Variants in ZNF141 observed in about 807,000 individuals in gnomAD.
The protein encoded by ZNF141 is zinc finger protein 141 (clone pHZ-44).
ZNF141 carries 7 observed loss-of-function variants against 11.3 expected under a neutral mutation model. That is an observed-to-expected ratio of 0.62 (90% CI 0.35 to 1.16). ZNF141 has a LOEUF of 1.16. Ranked by LOEUF, ZNF141 falls within the 50% of genes most tolerant of loss-of-function variation. The pLI, the probability that ZNF141 is intolerant of heterozygous loss-of-function variation, is 0.02. For synonymous variants in ZNF141, 183 were observed against 190.7 expected, an observed-to-expected ratio of 0.96 and a Z score of 0.33; for missense variants, 535 against 554.0, an observed-to-expected ratio of 0.97 and a Z score of 0.34.
chr4:369,764 A>ATGTTTTTTTTTTTTTTTTTTTTTT, intron 3 of ZNF141, among the ~76,000 whole-genome samples: 18 of 48,720 alleles, frequency 3.7e-4, no homozygotes, highest in Admixed American at 8.7e-4. Flanking sequence ...ATATATATAT[A>ATGTTTTTTTTTTTTTTTTTTTTTT]TTTTTTTTTT....
At chr4:351,080 C>A (rs1721575440) in intron 3 of ZNF141, among the ~76,000 whole-genome samples, 1 of 151,580 alleles carries the variant, frequency 6.6e-6, no homozygotes, top group Non-Finnish European at 1.5e-5. Flanking sequence ...CATGTGGCAC[C>A]TCCCCTCTCA....
At chr4:358,180 GT>G (rs1644037244) in intron 3 of ZNF141, 1 of 360,366 alleles carries the variant, frequency 2.8e-6, no homozygotes, top group Admixed American at 3.6e-5. Flanking sequence ...TAAGTTTCTC[GT>G]TCTTTTTTTT....
intron 3 of ZNF141, among the ~76,000 whole-genome samples, chr4:360,843 A>G (rs1245622410): frequency 3.9e-5 from 6 of 152,166 alleles, no homozygotes; most frequent in Admixed American, 3.3e-4. Context: ...TATTGCCTAT[A>G]AAAGTTTTCT....
Position 379,064 on chromosome 4 carries a change from C to T in ZNF141, c.*5202C>T, listed in dbSNP as rs190149709. Reference sequence around the variant, plus strand: ...TTCACTCTGTTGGCCAGGCTGGTCTCGAGCTCCTGTCCTCGTGATCCACGC... The same window carrying T: ...TTCACTCTGTTGGCCAGGCTGGTCTTGAGCTCCTGTCCTCGTGATCCACGC... On this transcript the variant is annotated 3_prime_UTR_variant, in exon 4 of 4. Transcript: ENST00000240499. Among the ~76,000 whole-genome samples, 7 of 151,968 alleles carry T rather than the reference C, an allele frequency of 4.6e-5. No individual in the cohort carries two copies. Among genetic ancestry groups the T allele is most frequent in the Middle Eastern group, 3.4e-3 (1 of 294 alleles).
chr4:363,187 G>T (rs1711570562), intron 3 of ZNF141, among the ~76,000 whole-genome samples: 1 of 152,118 alleles, frequency 6.6e-6, no homozygotes, highest in African/African-American at 2.4e-5. Flanking sequence ...TCTGTTACTG[G>T]TGTTATAGGA....
chr4:364,349 A>C (rs1711624856), intron 3 of ZNF141, among the ~76,000 whole-genome samples: 1 of 152,144 alleles, frequency 6.6e-6, no homozygotes, highest in South Asian at 2.1e-4. Context: ...TAGGCTATTA[A>C]TTATTGCCTC....
chr4:361,001 T>G (rs920338357), intron 3 of ZNF141, among the ~76,000 whole-genome samples: 6 of 152,202 alleles, frequency 3.9e-5, no homozygotes, highest in African/African-American at 1.4e-4. Flanking sequence ...TATATTATTC[T>G]GTGAGAGAAG....
intron 3 of ZNF141, among the ~76,000 whole-genome samples, chr4:369,764 A>ATATGTTTTTTTTTTTTTTTTTTTTTTT: frequency 2.1e-5 from 1 of 48,744 alleles, no homozygotes; most frequent in Non-Finnish European, 3.1e-5. Flanking sequence ...ATATATATAT[A>ATATGTTTTTTTTTTTTTTTTTTTTTTT]TTTTTTTTTT....
Position 373,878 on chromosome 4 carries a change from TGTAAA to T in ZNF141, c.*18_*22del. On this transcript the variant is annotated 3_prime_UTR_variant, in exon 4 of 4. Transcript: ENST00000240499. ...TCATACTTGAGAGAAATCCTACAAA[TGTAAA>T]GAATGTGGCAAACCTTTGGATGATC... The T allele has an allele frequency of 6.3e-7, 1 of 1,583,568 alleles. No homozygotes were observed. Among genetic ancestry groups the T allele is most frequent in the Non-Finnish European group, 8.6e-7 (1 of 1,162,278 alleles).
At position 383,147 on chromosome 4, in the gene ZNF141, A is replaced by G; in HGVS notation, c.*9285A>G. 1.4e-6 allele frequency: 1 copy of G among 701,796 alleles called. No homozygotes were observed. The highest frequency in any genetic ancestry group is 2.6e-6 in the Non-Finnish European group (1 of 384,618). The allele number at this position is 701,796 out of a possible 1,614,324, so 43.5% of individuals were successfully genotyped here. A position where few individuals can be genotyped will look rare whatever the true frequency, so the allele number is the denominator to read the frequency against. Reference sequence around the variant, plus strand: ...CCATTTTAGCTTTCTGGAGAATAGCATCTGAGAAAAGCCAAAGTGCCTCAG... The same window carrying G: ...CCATTTTAGCTTTCTGGAGAATAGCGTCTGAGAAAAGCCAAAGTGCCTCAG... On this transcript the variant is annotated 3_prime_UTR_variant, in exon 4 of 4. Coordinates refer to ENST00000240499, the MANE Select transcript of ZNF141 (RefSeq NM_003441.4).
At chr4:353,850 G>T (rs906110611) in intron 3 of ZNF141, among the ~76,000 whole-genome samples, 1 of 152,180 alleles carries the variant, frequency 6.6e-6, no homozygotes, top group Middle Eastern at 3.4e-3. Context: ...GGACTTAAAG[G>T]GAAGGACTTC....
intron 3 of ZNF141, among the ~76,000 whole-genome samples, chr4:369,000 T>C (rs1711889366): frequency 6.6e-6 from 1 of 152,238 alleles, no homozygotes; most frequent in Non-Finnish European, 1.5e-5. Flanking sequence ...TTTATACTGC[T>C]TTCAAGTCTT....
At chr4:341,647 G>T (rs1721056214) in intron 1 of ZNF141, among the ~76,000 whole-genome samples, 1 of 152,164 alleles carries the variant, frequency 6.6e-6, no homozygotes, top group Non-Finnish European at 1.5e-5. Context: ...ATAGAGAGCA[G>T]AAGCCTAGGG....
intron 3 of ZNF141, among the ~76,000 whole-genome samples, chr4:362,149 T>G (rs1343952211): frequency 6.6e-6 from 1 of 152,258 alleles, no homozygotes; most frequent in Non-Finnish European, 1.5e-5. Flanking sequence ...CATTTTTTCA[T>G]GTGTCTTTTG....
At position 371,822 on chromosome 4, in the gene ZNF141, G is replaced by A. The variant is rs1220286949; in HGVS notation, c.227-842G>A. On this transcript the variant is annotated intron_variant, in intron 3 of 3. Transcript: ENST00000240499. Reference sequence around the variant, plus strand: ...CCCAAAGTGCTGGGATTACAGGTGTGAGCCACCATGCCCGTTCCCTTTTCT... The same window carrying A: ...CCCAAAGTGCTGGGATTACAGGTGTAAGCCACCATGCCCGTTCCCTTTTCT... Among the ~76,000 whole-genome samples, 6 of 152,272 alleles carry A rather than the reference G, an allele frequency of 3.9e-5. No individual in the cohort carries two copies. In the South Asian group the frequency reaches 8.3e-4, roughly 21 times the overall value.
intron 3 of ZNF141, among the ~76,000 whole-genome samples, chr4:358,760 T>C (rs1553851661): frequency 6.6e-6 from 1 of 151,120 alleles, no homozygotes; most frequent in Non-Finnish European, 1.5e-5. Context: ...GTATTTTTAG[T>C]AGAGACGGTT....
At chr4:343,746 AAAG>A (rs782058670) in intron 1 of ZNF141, 33 bp from the exon 2 acceptor site, 6 of 1,474,486 alleles carry the variant, frequency 4.1e-6, no homozygotes, top group East Asian at 2.6e-5. Context: ...AAAAAAAAAA[AAAG>A]AACTATGTCC....
At chr4:368,214 A>T (rs1435167446) in intron 3 of ZNF141, among the ~76,000 whole-genome samples, 1 of 152,044 alleles carries the variant, frequency 6.6e-6, no homozygotes, top group Non-Finnish European at 1.5e-5. Flanking sequence ...TTTGCTTTTT[A>T]TAAACAGTAA....
rs377221433 is a variant in ZNF141, at chr4:383,481, T to C, written c.*9619T>C. On this transcript the variant is annotated 3_prime_UTR_variant, in exon 4 of 4. Coordinates refer to ENST00000240499, the MANE Select transcript of ZNF141 (RefSeq NM_003441.4). ...AAGTTAGATTTGTTGTAAGATGATA[T>C]TGAGTTACACAGAAGTTAGGCAGGA... 33 of 274,532 alleles carry C rather than the reference T, an allele frequency of 1.2e-4. No individual in the cohort carries two copies. In the South Asian group the frequency reaches 2.2e-3, roughly 18 times the overall value. 17.0% of individuals were successfully genotyped at this position (274,532 alleles called of 1,614,324 possible). A position where few individuals can be genotyped will look rare whatever the true frequency, so the allele number is the denominator to read the frequency against.
Sources: gnomAD v4.1 joint callset for allele counts (sites outside exome capture counted in the v4.1 genomes callset) on GRCh38, gnomAD v4.1.1 for gene constraint, MANE v1.5 for transcripts, NCBI Gene and HGNC (gene_info 2026-07-23, HGNC 2026-07-21) for gene names.